Variants in ZNF385D observed in about 807,000 individuals in gnomAD.
ZNF385D encodes zinc finger protein 659.
In ZNF385D, 15 loss-of-function variants were observed where a neutral mutation model predicts 35.8. That is an observed-to-expected ratio of 0.42 (90% CI 0.28 to 0.64). The LOEUF is 0.64. Among genes scored for constraint, ZNF385D ranks in the 30% least tolerant of loss-of-function variants. ZNF385D has a pLI of 0.23. For missense variants in ZNF385D, 474 were observed against 494.6 expected (o/e 0.96, Z 0.39); for synonymous variants, 212 against 186.8 (o/e 1.13, Z -1.10).
chr3:22,025,323 C>T (rs1216861800), intron 3 of ZNF385D, among the ~76,000 whole-genome samples: 1 of 152,116 alleles, frequency 6.6e-6, no homozygotes, highest in African/African-American at 2.4e-5. Flanking sequence ...AGAAGCCACC[C>T]CCAAAACCTC....
chr3:22,351,232 C>T (rs1166692202), intron 2 of ZNF385D, among the ~76,000 whole-genome samples: 1 of 152,038 alleles, frequency 6.6e-6, no homozygotes, highest in Non-Finnish European at 1.5e-5. Flanking sequence ...GTAATTTTAG[C>T]CAAGCTAAAT....
intron 3 of ZNF385D, among the ~76,000 whole-genome samples, chr3:21,992,154 C>T (rs1393621568): frequency 2.0e-5 from 3 of 152,064 alleles, no homozygotes; most frequent in Non-Finnish European, 4.4e-5. Context: ...ATTTTTACCT[C>T]CACTCTAACC....
At chr3:21,961,330 A>G (rs141182750) in intron 3 of ZNF385D, 5 of 152,254 alleles carry the variant, frequency 3.3e-5, no homozygotes, top group Non-Finnish European at 5.9e-5. Context: ...CCTGTCATCA[A>G]TTTGGCCAAT....
intron 3 of ZNF385D, among the ~76,000 whole-genome samples, chr3:21,989,272 C>T (rs1576097384): frequency 6.6e-6 from 1 of 152,148 alleles, no homozygotes. Flanking sequence ...TTTCTTACAA[C>T]TACAATTTTT....
intron 2 of ZNF385D, among the ~76,000 whole-genome samples, chr3:22,338,240 G>A (rs546472422): frequency 6.6e-6 from 1 of 152,264 alleles, no homozygotes; most frequent in Admixed American, 6.5e-5. Context: ...TTAGTTTTAT[G>A]TACAGTATAA....
intron 3 of ZNF385D, among the ~76,000 whole-genome samples, chr3:21,839,791 C>T (rs1695552377): frequency 6.6e-6 from 1 of 152,066 alleles, no homozygotes; most frequent in East Asian, 2.0e-4. Flanking sequence ...CAATCAAATG[C>T]CTGACCTGCA....
intron 3 of ZNF385D, among the ~76,000 whole-genome samples, chr3:21,967,520 T>C (rs1290813452): frequency 6.6e-6 from 1 of 152,206 alleles, no homozygotes; most frequent in East Asian, 1.9e-4. Flanking sequence ...AAACAGCTGG[T>C]CCTAAAGGGC....
At chr3:22,116,688 T>C (rs1046414425) in intron 3 of ZNF385D, among the ~76,000 whole-genome samples, 1 of 152,092 alleles carries the variant, frequency 6.6e-6, no homozygotes, top group Admixed American at 6.6e-5. Context: ...GATTATCAGA[T>C]AAAACCAAAA....
chr3:21,992,917 G>A (rs958902417), intron 3 of ZNF385D, among the ~76,000 whole-genome samples: 10 of 152,242 alleles, frequency 6.6e-5, no homozygotes, highest in Admixed American at 5.2e-4. Context: ...AAGTCACCAG[G>A]CTAATGGATT....
chr3:22,034,573 A>T (rs909200510), intron 3 of ZNF385D, among the ~76,000 whole-genome samples: 1 of 152,214 alleles, frequency 6.6e-6, no homozygotes, highest in Non-Finnish European at 1.5e-5. Context: ...GAATTGTAAA[A>T]ATATGTATTA....
intron 3 of ZNF385D, among the ~76,000 whole-genome samples, chr3:21,765,581 C>A (rs572057822): frequency 6.6e-6 from 1 of 151,866 alleles, no homozygotes; most frequent in Admixed American, 6.6e-5. Context: ...GGCCCCGGAG[C>A]CAGTAGGTAG....
At chr3:22,300,201 G>A (rs746148415) in intron 2 of ZNF385D, among the ~76,000 whole-genome samples, 3 of 151,888 alleles carry the variant, frequency 2.0e-5, no homozygotes, top group Admixed American at 1.3e-4. Context: ...ATGTACAATG[G>A]GGAAAGAACA....
intron 3 of ZNF385D, among the ~76,000 whole-genome samples, chr3:21,986,593 T>A (rs961909720): frequency 2.0e-5 from 3 of 149,090 alleles, no homozygotes; most frequent in Non-Finnish European, 4.4e-5. Context: ...TCCAACCATG[T>A]GGTCAATTTT....
At chr3:21,554,781 A>G (rs1279717110) in intron 3 of ZNF385D, among the ~76,000 whole-genome samples, 6 of 152,154 alleles carry the variant, frequency 3.9e-5, no homozygotes, top group African/African-American at 9.7e-5. Context: ...CGTTTATGTT[A>G]TGGAGAGGAC....
chr3:21,717,467 T>G (rs1283285004), intron 1 of ZNF385D, among the ~76,000 whole-genome samples: 1 of 152,220 alleles, frequency 6.6e-6, no homozygotes, highest in Non-Finnish European at 1.5e-5. Flanking sequence ...CAGTGCTTAA[T>G]AGTTCTGCCA....
In ZNF385D at chr3:21,681,468, C is replaced by A. The variant is rs367690559; in HGVS notation, c.23-16440G>T. ...TAATGAGATATTTCAGATAAGCAAG[C>A]TTTAATCTGCCAAAGGAAATGGCAG... is the stretch of plus-strand genomic sequence containing the variant. On this transcript the variant is annotated intron_variant, in intron 1 of 7. Transcript: ENST00000281523. Among the ~76,000 whole-genome samples the A allele has an allele frequency of 8.8e-4, 134 of 151,526 alleles. 1 individual carries two copies. The Middle Eastern group carries it at 0.01, about 12-fold the overall frequency.
intron 3 of ZNF385D, among the ~76,000 whole-genome samples, chr3:22,021,777 T>A (rs1431678642): frequency 6.6e-6 from 1 of 152,102 alleles, no homozygotes; most frequent in Non-Finnish European, 1.5e-5. Context: ...TTTTGAAAAC[T>A]TGTCTATATC....
intron 4 of ZNF385D, among the ~76,000 whole-genome samples, chr3:21,476,959 A>G (rs1303541871): frequency 5.9e-5 from 9 of 152,136 alleles, no homozygotes; most frequent in Admixed American, 2.0e-4. Context: ...GAACCATTCT[A>G]TGTCACCAAT....
At chr3:21,430,954 T>C (rs1420823413) in intron 5 of ZNF385D, 2 of 152,164 alleles carry the variant, frequency 1.3e-5, no homozygotes, top group Admixed American at 6.6e-5. Flanking sequence ...TTATTTTTTA[T>C]TTTGTTAATG....
Sources: gnomAD v4.1 joint callset for allele counts (sites outside exome capture counted in the v4.1 genomes callset) on GRCh38, gnomAD v4.1.1 for gene constraint, MANE v1.5 for transcripts, NCBI Gene and HGNC (gene_info 2026-07-23, HGNC 2026-07-21) for gene names.